MVD: variants seen among roughly 807,000 people sequenced by gnomAD.
MVD encodes mevalonate diphosphate decarboxylase.
In MVD, 52 loss-of-function variants were observed where a neutral mutation model predicts 42.4. That is an observed-to-expected ratio of 1.23 (90% CI 0.98 to 1.55). MVD has a LOEUF of 1.55. Among genes scored for constraint, MVD ranks in the 40% most tolerant of loss-of-function variants. MVD has a pLI of 0.00. For synonymous variants in MVD, 287 were observed against 243.2 expected, an observed-to-expected ratio of 1.18 and a Z score of -1.68; for missense variants, 663 against 572.1, an observed-to-expected ratio of 1.16 and a Z score of -1.62.
Position 88,652,031 on chromosome 16 carries a change from C to T in MVD, c.*494G>A. 4.9e-6 allele frequency: 1 copy of T among 202,938 alleles called. No individual in the cohort carries two copies. 12.6% of individuals were successfully genotyped at this position (202,938 alleles called of 1,614,324 possible). Reference sequence around the variant, plus strand: ...CCAGCCACACCCAGGCCGTGGGCAGCCACCCTCCGAGACACCTGGGCCGGG... The same window carrying T: ...CCAGCCACACCCAGGCCGTGGGCAGTCACCCTCCGAGACACCTGGGCCGGG... On this transcript the variant is annotated 3_prime_UTR_variant, in exon 10 of 10. Transcript: ENST00000301012.
rs371673143 is a variant in MVD at position 88,655,191 on chromosome 16, C to G, written c.897+8G>C. ...GAGCGCAGCCTCTGCCCTCCCGGCC[C>G]GCGTCACCTTGGTGTCCCCGTGGTG... is the stretch of plus-strand genomic sequence containing the variant. On this transcript the variant is annotated splice_region_variant and intron_variant, in intron 7 of 9. Coordinates refer to ENST00000301012, the MANE Select transcript of MVD (RefSeq NM_002461.3). 6.4e-7 allele frequency: 1 copy of G among 1,554,272 alleles called. No individual in the cohort carries two copies. Among genetic ancestry groups the G allele is most frequent in the Admixed American group, 2.0e-5 (1 of 51,276 alleles).
At chr16:88,655,854 G>T in intron 5 of MVD, 124 bp from the exon 6 acceptor site, 3 of 1,242,374 alleles carry the variant, frequency 2.4e-6, no homozygotes, top group Non-Finnish European at 2.2e-6. Flanking sequence ...AGTGCCACCT[G>T]CCTGACCACA....
intron 1 of MVD, among the ~76,000 whole-genome samples, chr16:88,659,677 G>A (rs1164564857): frequency 6.6e-6 from 1 of 152,122 alleles, no homozygotes; most frequent in Non-Finnish European, 1.5e-5. Context: ...CACAGAAACA[G>A]ACTCCTGGCC....
chr16:88,663,030 G>A lies in MVD; in HGVS notation c.51C>T (p.Asn17=). Residue 17 remains asparagine (N), a synonymous_variant, in exon 1 of 10, where the codon AAC becomes AAT. Transcript: ENST00000301012. ...ACTCACAGTACTTGATGACCGCGAT[G>A]TTGACCGGCGCTGTACAAGTGACTG... ...LAAVTCTAPV[N]IAVIKYWGKR... is the part of the protein sequence containing the mutation. The A allele has an allele frequency of 6.2e-7, 1 of 1,609,096 alleles. No homozygotes were observed. Among genetic ancestry groups the A allele is most frequent in the Non-Finnish European group, 8.5e-7 (1 of 1,178,280 alleles).
At chr16:88,652,684 A>C (rs955758004) in intron 9 of MVD, 79 bp from the exon 10 acceptor site, 1 of 1,376,024 alleles carries the variant, frequency 7.3e-7, no homozygotes, top group Non-Finnish European at 1.0e-6. Flanking sequence ...GGCCGGACAC[A>C]GGAGGGTAGC....
chr16:88,660,762 C>G (rs1413589388), intron 1 of MVD: 1 of 150,988 alleles, frequency 6.6e-6, no homozygotes, highest in African/African-American at 2.4e-5. Flanking sequence ...AATCCCAGCA[C>G]TTTGGGAGGC....
chr16:88,653,428 G>T lies in MVD; in HGVS notation c.1014-20C>A. ...AGAAACCTGGAAAAGCAGGGCAGGGGCACGGTGAATGCATCCGTTTCTCTA... is the reference window on the plus strand; with the variant it reads ...AGAAACCTGGAAAAGCAGGGCAGGGTCACGGTGAATGCATCCGTTTCTCTA... On this transcript the variant is annotated intron_variant, in intron 8 of 9. Coordinates refer to ENST00000301012, the MANE Select transcript of MVD (RefSeq NM_002461.3). The T allele has an allele frequency of 2.5e-6, 4 of 1,590,246 alleles. No individual in the cohort carries two copies. Among genetic ancestry groups the T allele is most frequent in the Non-Finnish European group, 3.4e-6 (4 of 1,167,336 alleles).
At chr16:88,654,299 A>C (rs957745627) in intron 8 of MVD, among the ~76,000 whole-genome samples, 1 of 152,196 alleles carries the variant, frequency 6.6e-6, no homozygotes, top group Non-Finnish European at 1.5e-5. Flanking sequence ...AACTCGCTTC[A>C]GTAAGAAGGA....
chr16:88,657,282 A>G, intron 4 of MVD, 154 bp downstream of exon 4: 1 of 1,042,984 alleles, frequency 9.6e-7, no homozygotes, highest in Non-Finnish European at 1.4e-6. Context: ...TGCTCTGGGA[A>G]GAGACTGAAC....
intron 7 of MVD, 69 bp from the exon 8 acceptor site, chr16:88,654,876 C>G (rs1436455473): frequency 1.4e-6 from 2 of 1,439,716 alleles, no homozygotes; most frequent in South Asian, 2.8e-5. Flanking sequence ...ACCCTCTGGT[C>G]TGCCAGGCGG....
In MVD at chr16:88,652,338, C is replaced by T. The variant is rs557810431; in HGVS notation, c.*187G>A. 15 of 659,860 alleles carry T rather than the reference C, an allele frequency of 2.3e-5. No homozygotes were observed. Among genetic ancestry groups the T allele is most frequent in the African/African-American group, 5.3e-5 (3 of 56,244 alleles). 40.9% of individuals were successfully genotyped at this position (659,860 alleles called of 1,614,324 possible). On this transcript the variant is annotated 3_prime_UTR_variant, in exon 10 of 10. Coordinates refer to ENST00000301012, the MANE Select transcript of MVD (RefSeq NM_002461.3). ...AGCTTAGGGCAGCTGAAGCACTCGG[C>T]GGGGACCTCTCCTGACACCTGGGCG...
chr16:88,652,254 C>T lies in MVD; in HGVS notation c.*271G>A, dbSNP rs1907612340. ...GAGAAAGCCCTTCAGCCCTGCTGCACCGAGGCTCTGCCAGTTCTCATACCC... is the reference window on the plus strand; with the variant it reads ...GAGAAAGCCCTTCAGCCCTGCTGCATCGAGGCTCTGCCAGTTCTCATACCC... On this transcript the variant is annotated 3_prime_UTR_variant, in exon 10 of 10. Transcript: ENST00000301012. The T allele has an allele frequency of 1.7e-6, 1 of 576,156 alleles. No individual in the cohort carries two copies. The highest frequency in any genetic ancestry group is 3.1e-6 in the Non-Finnish European group (1 of 320,284). The allele number at this position is 576,156 out of a possible 1,614,324, so 35.7% of individuals were successfully genotyped here.
intron 1 of MVD, chr16:88,659,025 T>G: frequency 2.6e-6 from 1 of 390,326 alleles, no homozygotes; most frequent in Non-Finnish European, 4.9e-6. Flanking sequence ...CACCGCGGCC[T>G]GCCTCCCCTC....
chr16:88,654,885 G>T, intron 7 of MVD, 78 bp from the exon 8 acceptor site: 1 of 1,372,168 alleles, frequency 7.3e-7, no homozygotes, highest in Non-Finnish European at 9.8e-7. Context: ...TCTGCCAGGC[G>T]GCCTTGGGCT....
chr16:88,657,813 C>G, intron 3 of MVD, 102 bp downstream of exon 3: 1 of 1,353,732 alleles, frequency 7.4e-7, no homozygotes, highest in Non-Finnish European at 1.0e-6. Context: ...CCCAGCCACC[C>G]CGCCTGCTGC....
intron 1 of MVD, chr16:88,662,644 C>A: frequency 8.0e-7 from 1 of 1,244,940 alleles, no homozygotes; most frequent in Non-Finnish European, 1.0e-6. Flanking sequence ...CGGGCTCTGG[C>A]CATCCTCCCG....
At chr16:88,661,268 C>T (rs1227375246) in intron 1 of MVD, among the ~76,000 whole-genome samples, 2 of 152,172 alleles carry the variant, frequency 1.3e-5, no homozygotes, top group African/African-American at 2.4e-5. Context: ...AACATTGATA[C>T]ACTGAACTTC....
intron 7 of MVD, 78 bp from the exon 8 acceptor site, chr16:88,654,885 G>A (rs1907807427): frequency 2.3e-5 from 31 of 1,372,170 alleles, no homozygotes; most frequent in Middle Eastern, 2.1e-4. Context: ...TCTGCCAGGC[G>A]GCCTTGGGCT....
intron 1 of MVD, 97 bp from the exon 2 acceptor site, chr16:88,658,817 T>C: frequency 3.0e-6 from 2 of 672,984 alleles, no homozygotes; most frequent in Non-Finnish European, 4.4e-6. Flanking sequence ...ACGGCCCCCA[T>C]CCGCCTCAGT....
Sources: gnomAD v4.1 joint callset for allele counts (sites outside exome capture counted in the v4.1 genomes callset) on GRCh38, gnomAD v4.1.1 for gene constraint, MANE v1.5 for transcripts, NCBI Gene and HGNC (gene_info 2026-07-23, HGNC 2026-07-21) for gene names.